Variants in CNOT3 observed in about 807,000 individuals in gnomAD.
The protein encoded by CNOT3 is CCR4-associated factor 3.
In CNOT3, 2 loss-of-function variants were observed where a neutral mutation model predicts 89.4. The ratio of observed to expected loss-of-function variants is 0.02; its 90% CI spans 0.01 to 0.07. The LOEUF (loss-of-function observed/expected upper bound fraction) is 0.07. CNOT3 is among the 10% of genes least tolerant of loss of function. The probability of loss-of-function intolerance (pLI) is 1.00; values close to 1 mark genes in which losing one functional copy is unlikely to be tolerated. For synonymous variants in CNOT3, 486 were observed against 402.0 expected, an observed-to-expected ratio of 1.21 and a Z score of -2.50; for missense variants, 664 against 1,010.2, an observed-to-expected ratio of 0.66 and a Z score of 4.65.
Position 54,148,907 on chromosome 19 carries a change from T to C in CNOT3, c.1406+164T>C, listed in dbSNP as rs1355638253. 6.6e-6 allele frequency among the ~76,000 whole-genome samples: 1 copy of C among 152,182 alleles called. No homozygotes were observed. Among genetic ancestry groups the C allele is most frequent in the Non-Finnish European group, 1.5e-5 (1 of 68,018 alleles). On this transcript the variant is annotated intron_variant, in intron 12 of 17. Transcript: ENST00000221232. This position sits in a 1 kb window ranked among gnomAD's most constrained non-coding sequence, Gnocchi z 6.3. Reference sequence around the variant, plus strand: ...CCTCGGGTGTTACACCCCCACTTCTTTCCAGCAAGGAAACTACATCAGCCT... The same window carrying C: ...CCTCGGGTGTTACACCCCCACTTCTCTCCAGCAAGGAAACTACATCAGCCT...
chr19:54,150,312 A>G (rs958545109), intron 13 of CNOT3, among the ~76,000 whole-genome samples: 1 of 152,110 alleles, frequency 6.6e-6, no homozygotes, highest in Non-Finnish European at 1.5e-5. Context: ...CAGGGGGGCT[A>G]ACAGCTGCAG....
chr19:54,152,014 C>T (rs191438323), intron 13 of CNOT3, among the ~76,000 whole-genome samples: 2 of 152,372 alleles, frequency 1.3e-5, no homozygotes, highest in African/African-American at 4.8e-5. Flanking sequence ...GTCCCACTCA[C>T]GAGACGTTCC....
In CNOT3 at chr19:54,146,639, A is replaced by G; in HGVS notation, c.876A>G (p.Thr292=). The change falls in exon 10 of 18, where the codon ACA becomes ACG. Residue 292 remains threonine, a synonymous_variant. Coordinates refer to ENST00000221232, the MANE Select transcript of CNOT3 (RefSeq NM_014516.4). ...SEDDKKRGRS[T]DSEVSQSPAK... is the part of the protein sequence containing the mutation. ...ATGATAAGAAGAGGGGACGTTCCAC[A>G]GACAGTGAAGTCAGCCAGGTGGGTG... is the stretch of plus-strand genomic sequence containing the variant. 1 of 1,566,232 alleles carries G rather than the reference A, an allele frequency of 6.4e-7. No individual in the cohort carries two copies. The highest frequency in any genetic ancestry group is 8.8e-7 in the Non-Finnish European group (1 of 1,136,394).
intron 12 of CNOT3, 39 bp from the exon 13 acceptor site, chr19:54,149,521 A>C: frequency 2.9e-6 from 4 of 1,357,288 alleles, no homozygotes; most frequent in Admixed American, 2.2e-5. Flanking sequence ...ACCCTCAGGG[A>C]CCCTCCTCTC....
chr19:54,154,287 C>T (rs1319208048), intron 17 of CNOT3: 1 of 334,394 alleles, frequency 3.0e-6, no homozygotes, highest in African/African-American at 2.1e-5. Context: ...TTTGAATGGG[C>T]TTCTCAAGTT....
chr19:54,143,157 G>A lies in CNOT3; in HGVS notation c.64G>A (p.Val22Met), dbSNP rs1245505687. The A allele has an allele frequency of 1.2e-6, 2 of 1,613,976 alleles. No individual in the cohort carries two copies. The highest frequency in any genetic ancestry group is 1.7e-6 in the Non-Finnish European group (2 of 1,179,956). ...DRCLKKVSEGVEQFEDIWQKL... is the reference protein window; with the variant it reads ...DRCLKKVSEGMEQFEDIWQKL... ...CTGCCTCAAGAAGGTGTCCGAGGGC[G>A]TGGAGCAGTTTGAAGATATTTGGCA... Residue 22 changes from valine to methionine, a missense_variant, in exon 3 of 18, where the codon GTG becomes ATG. This residue lies in a region of CNOT3 where 27 missense variants were observed against 158.2 expected (regional missense o/e 0.17). Coordinates refer to ENST00000221232, the MANE Select transcript of CNOT3 (RefSeq NM_014516.4).
At chr19:54,139,607 A>C (rs1479691550) in intron 1 of CNOT3, among the ~76,000 whole-genome samples, 2 of 151,976 alleles carry the variant, frequency 1.3e-5, no homozygotes, top group Non-Finnish European at 2.9e-5. Flanking sequence ...TGAGGTGTCC[A>C]CGCCTCTGCA....
intron 1 of CNOT3, chr19:54,142,451 C>CACACACACACACACACA: frequency 8.3e-6 from 2 of 239,852 alleles, no homozygotes; most frequent in East Asian, 9.8e-5. Flanking sequence ...CACACACACA[C>CACACACACACACACACA]GCCCTTCTCT....
chr19:54,144,608 G>A lies in CNOT3; in HGVS notation c.483+276G>A, dbSNP rs753422487. Among the ~76,000 whole-genome samples the A allele has an allele frequency of 1.9e-4, 29 of 152,200 alleles. No homozygotes were observed. Among genetic ancestry groups the A allele is most frequent in the African/African-American group, 2.7e-4 (11 of 41,444 alleles). ...GAAGAGGAGCGACTTGGGGGAAGGT[G>A]AGTGCAGGTTGAGCTTGGGCCACAG... On this transcript the variant is annotated intron_variant, in intron 7 of 17. Coordinates refer to ENST00000221232, the MANE Select transcript of CNOT3 (RefSeq NM_014516.4). The surrounding 1 kb of genome is among the most constrained non-coding windows in gnomAD (Gnocchi z 4.8).
chr19:54,143,547 T>G, intron 4 of CNOT3, 31 bp downstream of exon 4: 1 of 1,611,874 alleles, frequency 6.2e-7, no homozygotes, highest in Non-Finnish European at 8.5e-7. Context: ...GACGCCTTTG[T>G]CCTGAGGGTA....
Position 54,148,552 on chromosome 19 carries a change from C to CG in CNOT3, c.1282+21dup. ...GCGCCACCAGTGAGTGAGGAGGCAGCGGGGTGGGGGGCGTGGGCGGGGCTG... is the reference window on the plus strand; with the variant it reads ...GCGCCACCAGTGAGTGAGGAGGCAGCGGGGGTGGGGGGCGTGGGCGGGGCTG... On this transcript the variant is annotated intron_variant, in intron 11 of 17. Transcript: ENST00000221232. The surrounding 1 kb of genome is among the most constrained non-coding windows in gnomAD (Gnocchi z 6.3). 9.1e-7 allele frequency: 1 copy of CG among 1,094,500 alleles called. No homozygotes were observed. Among genetic ancestry groups the CG allele is most frequent in the Non-Finnish European group, 1.4e-6 (1 of 721,222 alleles). The allele number at this position is 1,094,500 out of a possible 1,614,324, so 67.8% of individuals were successfully genotyped here.
At chr19:54,155,273 C>T (rs1301287877) in intron 17 of CNOT3, 36 bp from the exon 18 acceptor site, 3 of 1,609,826 alleles carry the variant, frequency 1.9e-6, no homozygotes, top group Admixed American at 1.7e-5. Context: ...AGACCACCTC[C>T]TCGTCCACTC....
intron 9 of CNOT3, 26 bp from the exon 10 acceptor site, chr19:54,146,575 T>C: frequency 8.2e-7 from 1 of 1,224,658 alleles, no homozygotes; most frequent in Non-Finnish European, 1.2e-6. Flanking sequence ...GTCACACAGG[T>C]TTCTATTCTG....
chr19:54,143,297 G>A (rs1279003994), intron 3 of CNOT3, 111 bp downstream of exon 3: 10 of 1,161,962 alleles, frequency 8.6e-6, no homozygotes, highest in Non-Finnish European at 1.2e-5. Flanking sequence ...TGCAGATGCT[G>A]AGGACCTAAG....
chr19:54,143,091 T>TC, intron 2 of CNOT3, 28 bp from the exon 3 acceptor site: 1 of 1,613,562 alleles, frequency 6.2e-7, no homozygotes, highest in Non-Finnish European at 8.5e-7. Flanking sequence ...TGGGCAGGAT[T>TC]CTCACAGCCT....
rs755884420 is a variant in CNOT3 at position 54,143,450 on chromosome 19, T to C, written c.102T>C (p.Asn34=). The change falls in exon 4 of 18, where the codon AAT becomes AAC. Residue 34 remains asparagine, a synonymous_variant. Transcript: ENST00000221232. ...TTCTCTCCATCCCTCAGCTCCACAA[T>C]GCAGCCAACGCGAACCAGAAAGAAA... The part of the protein sequence containing the change: ...QFEDIWQKLH[N]AANANQKEKY... The C allele has an allele frequency of 2.5e-6, 4 of 1,613,624 alleles. No individual in the cohort carries two copies. Among genetic ancestry groups the C allele is most frequent in the African/African-American group, 1.3e-5 (1 of 74,770 alleles).
Position 54,144,555 on chromosome 19 carries a change from G to A in CNOT3, c.483+223G>A, listed in dbSNP as rs1246130437. 1.3e-5 allele frequency among the ~76,000 whole-genome samples: 2 copies of A among 152,206 alleles called. No homozygotes were observed. The highest frequency in any genetic ancestry group is 2.9e-5 in the Non-Finnish European group (2 of 68,032). On this transcript the variant is annotated intron_variant, in intron 7 of 17. Transcript: ENST00000221232. This position sits in a 1 kb window ranked among gnomAD's most constrained non-coding sequence, Gnocchi z 4.8. Reference sequence around the variant, plus strand: ...CAGACAGAATCTCAGGGTCCCCTGGGTGTCTGGGTAGACCGTGGGGCCTTT... The same window carrying A: ...CAGACAGAATCTCAGGGTCCCCTGGATGTCTGGGTAGACCGTGGGGCCTTT...
Position 54,148,339 on chromosome 19 carries a change from C to G in CNOT3, c.1086C>G (p.Ser362Arg), listed in dbSNP as rs759232707. Reference sequence around the variant, plus strand: ...GCCCCAAGGCCAGTCCAGCTCCCAGCCACAACTCGGGCACCCCTGCTCCCT... The same window carrying G: ...GCCCCAAGGCCAGTCCAGCTCCCAGGCACAACTCGGGCACCCCTGCTCCCT... ...ALGPKASPAPSHNSGTPAPYA... is the reference protein window; with the variant it reads ...ALGPKASPAPRHNSGTPAPYA... Residue 362 changes from serine to arginine, a missense_variant, in exon 11 of 18, where the codon AGC (serine) becomes AGG (arginine). This residue lies in a region of CNOT3 where 545 missense variants were observed against 566.2 expected (regional missense o/e 0.96). Transcript: ENST00000221232. This position sits in a 1 kb window ranked among gnomAD's most constrained non-coding sequence, Gnocchi z 6.3. The G allele has an allele frequency of 1.9e-6, 3 of 1,592,670 alleles. No homozygotes were observed. Among genetic ancestry groups the G allele is most frequent in the Admixed American group, 3.5e-5 (2 of 56,962 alleles).
chr19:54,155,237 T>G (rs1004127861), intron 17 of CNOT3, 72 bp from the exon 18 acceptor site: 2 of 1,579,972 alleles, frequency 1.3e-6, no homozygotes, highest in Non-Finnish European at 1.7e-6. Context: ...ATTGTCCCCT[T>G]TGTCTGTTGG....
Sources: allele counts gnomAD v4.1 joint callset (sites outside exome capture counted in the v4.1 genomes callset), GRCh38; gene constraint gnomAD v4.1.1; regional missense constraint gnomAD v4.1.1; non-coding constraint Gnocchi (gnomAD v3.1); transcripts MANE v1.5; gene names NCBI Gene and HGNC (gene_info 2026-07-23, HGNC 2026-07-21).